GLRB: variants seen among roughly 807,000 people sequenced by gnomAD.
GLRB encodes glycine receptor subunit beta.
A neutral mutation model predicts 54.2 loss-of-function variants in GLRB; 33 were observed. The observed-to-expected ratio is 0.61, with a 90% CI of 0.46 to 0.81. The LOEUF (loss-of-function observed/expected upper bound fraction) is 0.81, where lower values mean the gene tolerates loss of function less well. Among genes scored for constraint, GLRB ranks in the 40% least tolerant of loss-of-function variants. The pLI is 0.00. For missense variants in GLRB, 572 were observed against 584.6 expected (o/e 0.98, Z 0.22); for synonymous variants, 209 against 208.2 (o/e 1.00, Z -0.03).
At chr4:157,128,896 C>A (rs1579222198) in intron 4 of GLRB, among the ~76,000 whole-genome samples, 1 of 151,876 alleles carries the variant, frequency 6.6e-6, no homozygotes, top group East Asian at 1.9e-4. Flanking sequence ...AATTATAATG[C>A]TGCCAGATGC....
At chr4:157,123,834 T>G (rs1026177464) in intron 4 of GLRB, among the ~76,000 whole-genome samples, 2 of 151,740 alleles carry the variant, frequency 1.3e-5, no homozygotes, top group African/African-American at 4.8e-5. Flanking sequence ...AACACAGCTA[T>G]GAAGATATTG....
intron 2 of GLRB, 196 bp downstream of exon 2, chr4:157,078,342 T>C: frequency 2.1e-6 from 1 of 466,936 alleles, no homozygotes; most frequent in Non-Finnish European, 2.8e-6. Context: ...TCAAGGTGGT[T>C]TTATAGTTTT....
intron 2 of GLRB, among the ~76,000 whole-genome samples, chr4:157,117,367 AC>A (rs1485182393): frequency 6.6e-6 from 1 of 151,416 alleles, no homozygotes; most frequent in Non-Finnish European, 1.5e-5. Context: ...CTTACCTCTT[AC>A]TCTTCTACCA....
At chr4:157,084,245 C>T (rs975234496) in intron 2 of GLRB, among the ~76,000 whole-genome samples, 1 of 152,124 alleles carries the variant, frequency 6.6e-6, no homozygotes, top group East Asian at 1.9e-4. Context: ...TTGCCACTAC[C>T]GTTAGAGAAA....
At chr4:157,101,613 G>C (rs1735028856) in intron 2 of GLRB, among the ~76,000 whole-genome samples, 1 of 151,976 alleles carries the variant, frequency 6.6e-6, no homozygotes, top group Admixed American at 6.6e-5. Flanking sequence ...TTTGTGGTGA[G>C]GGGGGACCTG....
intron 2 of GLRB, among the ~76,000 whole-genome samples, chr4:157,085,568 C>T (rs868044556): frequency 5.9e-5 from 9 of 152,230 alleles, no homozygotes; most frequent in Middle Eastern, 3.4e-3. Context: ...ATGATCTCGC[C>T]TCACTGCAAC....
chr4:157,115,894 C>T (rs534227280), intron 2 of GLRB, among the ~76,000 whole-genome samples: 19 of 151,858 alleles, frequency 1.3e-4, no homozygotes, highest in South Asian at 2.1e-4. Context: ...AGGTCTGAGA[C>T]GGCCTCTGAC....
chr4:157,091,212 T>C (rs1178748773), intron 2 of GLRB, among the ~76,000 whole-genome samples: 1 of 152,182 alleles, frequency 6.6e-6, no homozygotes, highest in African/African-American at 2.4e-5. Flanking sequence ...AGCACAATGA[T>C]TTATGGGTAC....
rs1309357650 is a variant in GLRB at position 157,097,953 on chromosome 4, G to A, written c.122+19807G>A. Among the ~76,000 whole-genome samples, 6 of 152,122 alleles carry A rather than the reference G, an allele frequency of 3.9e-5. No individual in the cohort carries two copies. In the East Asian group the frequency reaches 9.7e-4, roughly 24 times the overall value. On this transcript the variant is annotated intron_variant, in intron 2 of 9. Coordinates refer to ENST00000264428, the MANE Select transcript of GLRB (RefSeq NM_000824.5). ...GGAGAATCTCTTGAACCTGGGAGGC[G>A]GAGGTTGCAGTGAGCCGAGATCCTG...
chr4:157,116,391 T>C (rs1462940296), intron 2 of GLRB, among the ~76,000 whole-genome samples: 1 of 151,808 alleles, frequency 6.6e-6, no homozygotes, highest in African/African-American at 2.4e-5. Context: ...GATAGATTTC[T>C]TAAAATAAAA....
chr4:157,136,183 TG>T (rs1736391864), intron 4 of GLRB, among the ~76,000 whole-genome samples: 7 of 152,130 alleles, frequency 4.6e-5, no homozygotes. Context: ...CTGTAATAAT[TG>T]GTGTTTGTAT....
At chr4:157,119,494 C>G (rs928636843) in intron 2 of GLRB, among the ~76,000 whole-genome samples, 3 of 151,546 alleles carry the variant, frequency 2.0e-5, no homozygotes, top group African/African-American at 7.3e-5. Flanking sequence ...ATTTCAATGG[C>G]AGGTTGCTTC....
intron 4 of GLRB, among the ~76,000 whole-genome samples, chr4:157,123,712 A>C (rs1436394281): frequency 6.6e-6 from 1 of 151,766 alleles, no homozygotes; most frequent in African/African-American, 2.4e-5. Context: ...TTCACTTTCC[A>C]AGAGTAAGAG....
chr4:157,116,690 T>G (rs1407922723), intron 2 of GLRB, among the ~76,000 whole-genome samples: 1 of 151,788 alleles, frequency 6.6e-6, no homozygotes, highest in Non-Finnish European at 1.5e-5. Context: ...ATAATTTTAA[T>G]GTTATTTTAG....
At chr4:157,078,632 C>G (rs1207815693) in intron 2 of GLRB, among the ~76,000 whole-genome samples, 1 of 151,952 alleles carries the variant, frequency 6.6e-6, no homozygotes, top group Non-Finnish European at 1.5e-5. Context: ...GATCAATTTT[C>G]TAATTTAGTA....
chr4:157,160,275 A>G (rs1371505370), intron 9 of GLRB, among the ~76,000 whole-genome samples: 1 of 151,508 alleles, frequency 6.6e-6, no homozygotes, highest in Non-Finnish European at 1.5e-5. Context: ...TCATCTTTTC[A>G]AAAAACCAGC....
In GLRB at chr4:157,136,528, C is replaced by T; in HGVS notation, c.357C>T (p.Pro119=). 6.2e-7 allele frequency: 1 copy of T among 1,613,222 alleles called. No individual in the cohort carries two copies. The highest frequency in any genetic ancestry group is 8.5e-7 in the Non-Finnish European group (1 of 1,179,306). The change falls in exon 5 of 10, where the codon CCC becomes CCT. Residue 119 remains proline, a synonymous_variant. Coordinates refer to ENST00000264428, the MANE Select transcript of GLRB (RefSeq NM_000824.5). ...GGAATGACCCCAGGCTGAAGCTCCC[C>T]AGTGATTTTAGGGGTTCAGATGCAC... ...QKWNDPRLKL[P]SDFRGSDALT... is the part of the protein sequence containing the mutation.
At chr4:157,115,117 G>A (rs1392547985) in intron 2 of GLRB, among the ~76,000 whole-genome samples, 1 of 151,624 alleles carries the variant, frequency 6.6e-6, no homozygotes. Flanking sequence ...TTATCTGTAT[G>A]GACTCTGGAA....
At chr4:157,110,289 T>C (rs905627351) in intron 2 of GLRB, among the ~76,000 whole-genome samples, 20 of 151,976 alleles carry the variant, frequency 1.3e-4, no homozygotes, top group African/African-American at 4.8e-4. Context: ...TATATCTTAT[T>C]ATAAGTTACA....
Sources: allele counts gnomAD v4.1 joint callset (sites outside exome capture counted in the v4.1 genomes callset), GRCh38; gene constraint gnomAD v4.1.1; transcripts MANE v1.5; gene names NCBI Gene and HGNC (gene_info 2026-07-23, HGNC 2026-07-21).